Variants in KCNIP4 observed in about 807,000 individuals in gnomAD.
KCNIP4 encodes potassium voltage-gated channel interacting protein 4, also known as Kv channel-interacting protein 4.
A neutral mutation model predicts 34.0 loss-of-function variants in KCNIP4; 12 were observed. That is an observed-to-expected ratio of 0.35 (90% CI 0.23 to 0.57). The LOEUF is 0.57. Among genes scored for constraint, KCNIP4 ranks in the 20% least tolerant of loss-of-function variants. The pLI, the probability that KCNIP4 is intolerant of heterozygous loss-of-function variation, is 0.83. For missense variants in KCNIP4, 238 were observed against 311.7 expected, an observed-to-expected ratio of 0.76 and a Z score of 1.78; for synonymous variants, 124 against 102.2, an observed-to-expected ratio of 1.21 and a Z score of -1.29.
intron 1 of KCNIP4, among the ~76,000 whole-genome samples, chr4:20,988,000 C>CAAAAAATAAAAA (rs1736738435): frequency 2.2e-5 from 1 of 46,318 alleles, no homozygotes; most frequent in Non-Finnish European, 4.0e-5. Context: ...GATTCCATCT[C>CAAAAAATAAAAA]AAAAAAAAAA....
At chr4:21,211,377 T>A in intron 1 of KCNIP4, among the ~76,000 whole-genome samples, 1 of 152,054 alleles carries the variant, frequency 6.6e-6, no homozygotes, top group East Asian at 1.9e-4. Flanking sequence ...AAGAGGTGAG[T>A]GAGCATTACT....
chr4:21,346,335 G>A (rs1578108169), intron 1 of KCNIP4, among the ~76,000 whole-genome samples: 1 of 101,244 alleles, frequency 9.9e-6, no homozygotes, highest in East Asian at 2.6e-4. Context: ...TCTATTTATA[G>A]TGCCTATAAT....
At chr4:21,422,594 G>A (rs1157065540) in intron 1 of KCNIP4, among the ~76,000 whole-genome samples, 1 of 152,072 alleles carries the variant, frequency 6.6e-6, no homozygotes. Context: ...GATGCTTCAA[G>A]TGAGAGAAAG....
intron 1 of KCNIP4, among the ~76,000 whole-genome samples, chr4:21,435,891 T>C (rs1372636482): frequency 6.6e-6 from 1 of 152,168 alleles, no homozygotes; most frequent in East Asian, 1.9e-4. Flanking sequence ...TAATCTGCTT[T>C]TATTTACAAA....
chr4:21,303,033 T>C (rs1711928949), intron 1 of KCNIP4, among the ~76,000 whole-genome samples: 1 of 152,198 alleles, frequency 6.6e-6, no homozygotes, highest in African/African-American at 2.4e-5. Context: ...ACTCTCAAAA[T>C]GTGTTCTGAG....
chr4:20,761,427 A>G (rs1231941137), intron 3 of KCNIP4, among the ~76,000 whole-genome samples: 1 of 152,224 alleles, frequency 6.6e-6, no homozygotes. Context: ...CTATCTATCT[A>G]GCTGACACCA....
At chr4:21,940,089 T>C (rs1400276364) in intron 1 of KCNIP4, among the ~76,000 whole-genome samples, 1 of 152,144 alleles carries the variant, frequency 6.6e-6, no homozygotes, top group African/African-American at 2.4e-5. Flanking sequence ...CCAAATCATA[T>C]GTTTTATGAA....
At chr4:21,132,600 A>G (rs1288278694) in intron 1 of KCNIP4, among the ~76,000 whole-genome samples, 1 of 152,156 alleles carries the variant, frequency 6.6e-6, no homozygotes, top group African/African-American at 2.4e-5. Flanking sequence ...CTTTCTAGAC[A>G]TCTATGGTTT....
intron 1 of KCNIP4, among the ~76,000 whole-genome samples, chr4:21,131,782 C>A (rs1302005481): frequency 6.6e-6 from 1 of 152,140 alleles, no homozygotes; most frequent in Non-Finnish European, 1.5e-5. Flanking sequence ...GATATGTATA[C>A]TTTTCTGTAT....
chr4:21,412,894 C>G (rs1724630131), intron 1 of KCNIP4, among the ~76,000 whole-genome samples: 1 of 152,176 alleles, frequency 6.6e-6, no homozygotes. Flanking sequence ...TACAAGCATT[C>G]CTCTATCCCT....
At chr4:20,731,667 A>G (rs889313709) in intron 8 of KCNIP4, 2 of 984,990 alleles carry the variant, frequency 2.0e-6, no homozygotes, top group African/African-American at 3.5e-5. Flanking sequence ...GATAGATAAT[A>G]TATGAGTGAT....
intron 1 of KCNIP4, among the ~76,000 whole-genome samples, chr4:21,354,623 T>C (rs1187504881): frequency 6.6e-6 from 1 of 152,138 alleles, no homozygotes; most frequent in African/African-American, 2.4e-5. Context: ...ATGCACCCAA[T>C]ACAGGAGCAC....
At chr4:21,225,397 T>C (rs1758305893) in intron 1 of KCNIP4, among the ~76,000 whole-genome samples, 2 of 152,140 alleles carry the variant, frequency 1.3e-5, no homozygotes. Flanking sequence ...AACTCTTTTA[T>C]CCACAGGGAG....
intron 1 of KCNIP4, among the ~76,000 whole-genome samples, chr4:21,104,336 C>G (rs149896193): frequency 0.29 from 44,094 of 151,800 alleles, 7,052 homozygotes; most frequent in African/African-American, 0.44. Context: ...GCATTTCTCT[C>G]ATGGCCAGTG....
chr4:21,093,484 A>G (rs1047879671), intron 1 of KCNIP4, among the ~76,000 whole-genome samples: 2 of 152,340 alleles, frequency 1.3e-5, no homozygotes, highest in Non-Finnish European at 2.9e-5. Flanking sequence ...AAACTTCTTC[A>G]GAAACAAGAC....
intron 3 of KCNIP4, among the ~76,000 whole-genome samples, chr4:20,790,603 A>C (rs1712619735): frequency 6.6e-6 from 1 of 152,064 alleles, no homozygotes; most frequent in African/African-American, 2.4e-5. Context: ...CCATAACATA[A>C]ACACCCTCAT....
intron 1 of KCNIP4, among the ~76,000 whole-genome samples, chr4:21,818,583 G>T (rs1275094456): frequency 6.6e-6 from 1 of 152,204 alleles, no homozygotes; most frequent in Admixed American, 6.5e-5. Flanking sequence ...ACCCTAGCCA[G>T]ATTTTAAATA....
chr4:21,378,151 A>G (rs1220347093), intron 1 of KCNIP4, among the ~76,000 whole-genome samples: 1 of 152,202 alleles, frequency 6.6e-6, no homozygotes, highest in Admixed American at 6.5e-5. Flanking sequence ...TCAGTCAATC[A>G]TCAAGTTATC....
At chr4:21,706,105 C>A (rs967761276) in intron 1 of KCNIP4, among the ~76,000 whole-genome samples, 5 of 152,084 alleles carry the variant, frequency 3.3e-5, no homozygotes, top group Non-Finnish European at 7.4e-5. Context: ...CAAAAATGTT[C>A]TTTTAATGAT....
Sources: gnomAD v4.1 joint callset for allele counts (sites outside exome capture counted in the v4.1 genomes callset) on GRCh38, gnomAD v4.1.1 for gene constraint, MANE v1.5 for transcripts, NCBI Gene and HGNC (gene_info 2026-07-23, HGNC 2026-07-21) for gene names.